The following ENOX1 variants were observed in gnomAD, a reference collection of about 807,000 sequenced individuals.
ENOX1 encodes the protein candidate growth-related and time keeping constitutive hydroquinone (NADH) oxidase.
In ENOX1, 42 loss-of-function variants were observed where a neutral mutation model predicts 82.5. The ratio of observed to expected loss-of-function variants is 0.51; its 90% CI spans 0.40 to 0.66. The LOEUF (loss-of-function observed/expected upper bound fraction) is 0.66, where lower values mean the gene tolerates loss of function less well. ENOX1 is among the 30% of genes least tolerant of loss of function. The pLI is 0.00. For synonymous variants in ENOX1, 271 were observed against 282.2 expected (o/e 0.96, Z 0.40); for missense variants, 608 against 811.6 (o/e 0.75, Z 3.05).
intron 1 of ENOX1, among the ~76,000 whole-genome samples, chr13:43,717,201 C>T (rs1464859999): frequency 1.3e-5 from 2 of 152,124 alleles, no homozygotes; most frequent in Admixed American, 6.5e-5. Flanking sequence ...GATACACAGA[C>T]CAACAGAATA....
At chr13:43,250,820 T>C (rs917782972) in intron 14 of ENOX1, among the ~76,000 whole-genome samples, 2 of 152,316 alleles carry the variant, frequency 1.3e-5, no homozygotes, top group African/African-American at 4.8e-5. Flanking sequence ...TACAGTATGA[T>C]ATAAGCCATA....
chr13:43,261,599 A>G (rs562506409), intron 14 of ENOX1, among the ~76,000 whole-genome samples: 87 of 152,140 alleles, frequency 5.7e-4, no homozygotes, highest in African/African-American at 2.0e-3. Flanking sequence ...CAAATGTCCA[A>G]CAACGATAGA....
At chr13:43,530,108 AG>A (rs2078147342) in intron 2 of ENOX1, among the ~76,000 whole-genome samples, 1 of 152,098 alleles carries the variant, frequency 6.6e-6, no homozygotes, top group African/African-American at 2.4e-5. Context: ...CTTGGAGAGA[AG>A]GGGAAGCAAC....
In ENOX1 at chr13:43,213,769, G is replaced by A. The variant is rs2041310387; in HGVS notation, c.*221C>T. 3.0e-6 allele frequency: 1 copy of A among 331,982 alleles called. No individual in the cohort carries two copies. The highest frequency in any genetic ancestry group is 7.3e-5 in the South Asian group (1 of 13,720). 20.6% of individuals were successfully genotyped at this position (331,982 alleles called of 1,614,324 possible). On this transcript the variant is annotated 3_prime_UTR_variant, in exon 17 of 17. Transcript: ENST00000690772. ...TGGAATCATTGTTTGGTTTTCATAG[G>A]AAACAGATCTGTCACAGTATGAAGC...
chr13:43,326,269 A>T (rs2048108115), intron 10 of ENOX1, 150 bp downstream of exon 10: 5 of 672,100 alleles, frequency 7.4e-6, no homozygotes, highest in Non-Finnish European at 1.3e-5. Context: ...ACAAGGAACA[A>T]ATCTCAGCTG....
intron 1 of ENOX1, among the ~76,000 whole-genome samples, chr13:43,756,123 A>T (rs73189967): frequency 2.6e-4 from 39 of 152,282 alleles, no homozygotes; most frequent in Non-Finnish European, 2.6e-4. Context: ...CAAAAACTTA[A>T]GTGCCAGAGG....
At chr13:43,630,860 T>TACAC (rs373900524) in intron 2 of ENOX1, among the ~76,000 whole-genome samples, 52 of 147,794 alleles carry the variant, frequency 3.5e-4, no homozygotes, top group African/African-American at 1.0e-3. Flanking sequence ...TATATATATA[T>TACAC]ACACACACAC....
At chr13:43,307,542 GTTTTTCATATTTGC>G (rs1266431259) in intron 11 of ENOX1, among the ~76,000 whole-genome samples, 1 of 152,158 alleles carries the variant, frequency 6.6e-6, no homozygotes, top group Non-Finnish European at 1.5e-5. Flanking sequence ...TCTTTCATTA[GTTTTTCATATTTGC>G]TTTCTTTCAG....
At chr13:43,495,431 G>A (rs1453855506) in intron 2 of ENOX1, among the ~76,000 whole-genome samples, 1 of 152,008 alleles carries the variant, frequency 6.6e-6, no homozygotes, top group Non-Finnish European at 1.5e-5. Context: ...GATAGCATAT[G>A]TTCTTTTATG....
At chr13:43,471,763 T>C (rs1471108267) in intron 3 of ENOX1, among the ~76,000 whole-genome samples, 1 of 149,230 alleles carries the variant, frequency 6.7e-6, no homozygotes, top group Non-Finnish European at 1.5e-5. Context: ...TGAGCAGAGA[T>C]TGTGCCACTG....
At chr13:43,732,051 C>T (rs2089376521) in intron 1 of ENOX1, among the ~76,000 whole-genome samples, 1 of 152,168 alleles carries the variant, frequency 6.6e-6, no homozygotes, top group African/African-American at 2.4e-5. Context: ...TTTACTTCAA[C>T]CTTATAGGAG....
chr13:43,423,463 C>T (rs562658648), intron 3 of ENOX1, among the ~76,000 whole-genome samples: 1 of 152,346 alleles, frequency 6.6e-6, no homozygotes, highest in South Asian at 2.1e-4. Context: ...AGTAATTCAT[C>T]AAGGTTTGAA....
At chr13:43,775,141 C>A (rs1951841441) in intron 1 of ENOX1, among the ~76,000 whole-genome samples, 1 of 152,054 alleles carries the variant, frequency 6.6e-6, no homozygotes, top group African/African-American at 2.4e-5. Flanking sequence ...AGCCACCGTG[C>A]CCAACCTTTT....
At position 43,361,264 on chromosome 13, in the gene ENOX1, A is replaced by C. The variant is rs780047740; in HGVS notation, c.382+15T>G. On this transcript the variant is annotated intron_variant, in intron 6 of 16. Transcript: ENST00000690772. ...CATTTAAAATGAGCAAATATTTCTC[A>C]TAGGCGTTACTTACTTGGATTTTGA... 1 of 1,606,442 alleles carries C rather than the reference A, an allele frequency of 6.2e-7. No homozygotes were observed. Among genetic ancestry groups the C allele is most frequent in the South Asian group, 1.1e-5 (1 of 88,926 alleles).
chr13:43,655,915 G>T (rs865975760), intron 2 of ENOX1, among the ~76,000 whole-genome samples: 10 of 152,136 alleles, frequency 6.6e-5, no homozygotes, highest in Admixed American at 6.5e-4. Context: ...CCTGATTCGG[G>T]GATCTTAAGG....
At chr13:43,326,554 C>T in intron 9 of ENOX1, 29 bp from the exon 10 acceptor site, 1 of 1,572,864 alleles carries the variant, frequency 6.4e-7, no homozygotes, top group Non-Finnish European at 8.8e-7. Flanking sequence ...TCAAACAAGA[C>T]AAGTAATTTA....
At chr13:43,534,544 G>A (rs541749453) in intron 2 of ENOX1, among the ~76,000 whole-genome samples, 8 of 152,262 alleles carry the variant, frequency 5.3e-5, no homozygotes, top group East Asian at 3.9e-4. Context: ...GACTGAAGAC[G>A]GTAGGTGTAC....
intron 1 of ENOX1, among the ~76,000 whole-genome samples, chr13:43,765,553 ACT>A (rs1374337904): frequency 6.6e-6 from 1 of 152,018 alleles, no homozygotes; most frequent in Admixed American, 6.6e-5. Flanking sequence ...CTGATCACAC[ACT>A]GTTAGTTATC....
intron 3 of ENOX1, among the ~76,000 whole-genome samples, chr13:43,478,413 A>G (rs914272664): frequency 1.3e-5 from 2 of 152,168 alleles, no homozygotes. Flanking sequence ...AGGAAATGAG[A>G]AATTCTGAGA....
Sources: allele counts gnomAD v4.1 joint callset (sites outside exome capture counted in the v4.1 genomes callset), GRCh38; gene constraint gnomAD v4.1.1; transcripts MANE v1.5; gene names NCBI Gene and HGNC (gene_info 2026-07-23, HGNC 2026-07-21).